The following KCND2 variants were observed in gnomAD, a reference collection of about 807,000 sequenced individuals.
KCND2 encodes the protein potassium voltage-gated channel subfamily D member 2.
In KCND2, 16 loss-of-function variants were observed where a neutral mutation model predicts 54.4. That is an observed-to-expected ratio of 0.29 (90% confidence interval 0.20 to 0.45). The LOEUF (loss-of-function observed/expected upper bound fraction) is 0.45, where lower values mean the gene tolerates loss of function less well. KCND2 is among the 20% of genes least tolerant of loss of function. The pLI, the probability that KCND2 is intolerant of heterozygous loss-of-function variation, is 1.00. For missense variants in KCND2, 486 were observed against 824.2 expected (o/e 0.59, Z 5.02); for synonymous variants, 317 against 310.7 (o/e 1.02, Z -0.21).
intron 1 of KCND2, among the ~76,000 whole-genome samples, chr7:120,417,069 A>G (rs1584770094): frequency 6.6e-6 from 1 of 151,800 alleles, no homozygotes; most frequent in African/African-American, 2.4e-5. Flanking sequence ...TGGTCTCAAA[A>G]CTCCTGACCT....
At chr7:120,471,347 A>G (rs1802449850) in intron 1 of KCND2, among the ~76,000 whole-genome samples, 1 of 152,134 alleles carries the variant, frequency 6.6e-6, no homozygotes, top group Non-Finnish European at 1.5e-5. Context: ...ATGTGCAAAC[A>G]GCAGCAAGTT....
At chr7:120,380,607 CT>C (rs1211984229) in intron 1 of KCND2, among the ~76,000 whole-genome samples, 1 of 151,922 alleles carries the variant, frequency 6.6e-6, no homozygotes, top group Non-Finnish European at 1.5e-5. Context: ...TTGTGTGTGG[CT>C]TTGCTTTTTT....
intron 1 of KCND2, among the ~76,000 whole-genome samples, chr7:120,404,246 A>G (rs970691632): frequency 6.6e-6 from 1 of 152,174 alleles, no homozygotes; most frequent in Admixed American, 6.6e-5. Context: ...ACATGGTTTA[A>G]TAATGAACCT....
intron 1 of KCND2, among the ~76,000 whole-genome samples, chr7:120,294,088 C>T (rs1214610631): frequency 5.9e-5 from 9 of 151,942 alleles, no homozygotes; most frequent in Admixed American, 3.3e-4. Flanking sequence ...AAAAGCAATT[C>T]TCAATACAAC....
intron 1 of KCND2, among the ~76,000 whole-genome samples, chr7:120,641,223 A>G (rs1793366975): frequency 1.2e-5 from 1 of 82,686 alleles, no homozygotes; most frequent in South Asian, 3.3e-4. Context: ...ATCTGGCATC[A>G]GCTCATTCAG....
At chr7:120,545,234 G>A (rs939373359) in intron 1 of KCND2, among the ~76,000 whole-genome samples, 2 of 151,812 alleles carry the variant, frequency 1.3e-5, no homozygotes, top group Non-Finnish European at 2.9e-5. Flanking sequence ...GCCATTCTTT[G>A]TGCCTACCAC....
intron 1 of KCND2, among the ~76,000 whole-genome samples, chr7:120,560,075 A>G (rs546168270): frequency 6.6e-6 from 1 of 152,214 alleles, no homozygotes; most frequent in Non-Finnish European, 1.5e-5. Flanking sequence ...TGTTTTTCAT[A>G]AAATAATAAT....
At chr7:120,398,086 A>G (rs1801186559) in intron 1 of KCND2, among the ~76,000 whole-genome samples, 1 of 144,766 alleles carries the variant, frequency 6.9e-6, no homozygotes, top group South Asian at 2.2e-4. Context: ...AATTTCAGCT[A>G]GCTGGTTGTA....
chr7:120,399,373 G>GA (rs1801207394), intron 1 of KCND2, among the ~76,000 whole-genome samples: 1 of 151,004 alleles, frequency 6.6e-6, no homozygotes, highest in African/African-American at 2.4e-5. Flanking sequence ...AAAACATAGA[G>GA]AAAAAAACAT....
intron 1 of KCND2, among the ~76,000 whole-genome samples, chr7:120,677,597 A>G (rs1274153922): frequency 2.7e-5 from 4 of 150,560 alleles, no homozygotes; most frequent in Admixed American, 2.0e-4. Flanking sequence ...AAAATACTCA[A>G]TGCTAATTTA....
chr7:120,409,880 T>C (rs955740997), intron 1 of KCND2, among the ~76,000 whole-genome samples: 3 of 151,890 alleles, frequency 2.0e-5, no homozygotes, highest in Admixed American at 6.6e-5. Context: ...TAAGACAAAA[T>C]TTAAAAATTT....
intron 1 of KCND2, among the ~76,000 whole-genome samples, chr7:120,681,707 C>A (rs1236278622): frequency 6.6e-6 from 1 of 151,890 alleles, no homozygotes; most frequent in Non-Finnish European, 1.5e-5. Flanking sequence ...TTCACATTTT[C>A]TTTGTTGAAT....
intron 1 of KCND2, among the ~76,000 whole-genome samples, chr7:120,340,087 A>G (rs1341580973): frequency 6.6e-6 from 1 of 152,196 alleles, no homozygotes; most frequent in African/African-American, 2.4e-5. Context: ...ACTGAGATGA[A>G]GAACTAGTAG....
chr7:120,310,380 A>G (rs1799720432), intron 1 of KCND2, among the ~76,000 whole-genome samples: 1 of 152,188 alleles, frequency 6.6e-6, no homozygotes, highest in Non-Finnish European at 1.5e-5. Flanking sequence ...AATGAAGAAC[A>G]ATTTAACTTG....
At chr7:120,529,216 T>C (rs1791813697) in intron 1 of KCND2, among the ~76,000 whole-genome samples, 1 of 152,150 alleles carries the variant, frequency 6.6e-6, no homozygotes, top group South Asian at 2.1e-4. Flanking sequence ...ATCTCAGTTG[T>C]ATTAAGGTTT....
chr7:120,547,799 G>A (rs1019202413), intron 1 of KCND2, among the ~76,000 whole-genome samples: 7 of 152,132 alleles, frequency 4.6e-5, no homozygotes, highest in African/African-American at 1.7e-4. Flanking sequence ...CGTGATTGAT[G>A]TGCATTAATA....
intron 1 of KCND2, among the ~76,000 whole-genome samples, chr7:120,694,563 T>C (rs767330163): frequency 2.0e-5 from 3 of 152,074 alleles, no homozygotes; most frequent in Non-Finnish European, 2.9e-5. Context: ...ACTATAGATA[T>C]TTTTTTCATA....
At chr7:120,727,053 A>C (rs1792742412) in intron 1 of KCND2, among the ~76,000 whole-genome samples, 1 of 152,196 alleles carries the variant, frequency 6.6e-6, no homozygotes, top group African/African-American at 2.4e-5. Context: ...CAGAGATGGA[A>C]AGTCACGCAT....
chr7:120,654,331 A>C (rs1026722651), intron 1 of KCND2, among the ~76,000 whole-genome samples: 2 of 152,252 alleles, frequency 1.3e-5, no homozygotes, highest in African/African-American at 4.8e-5. Context: ...AACATAAAAC[A>C]GTTTGTGAAT....
Sources: allele counts gnomAD v4.1 joint callset (sites outside exome capture counted in the v4.1 genomes callset), GRCh38; gene constraint gnomAD v4.1.1; transcripts MANE v1.5; gene names NCBI Gene and HGNC (gene_info 2026-07-23, HGNC 2026-07-21).